Variants in USP34 observed in about 807,000 individuals in gnomAD.
The protein encoded by USP34 is ubiquitin specific peptidase 34, also known as ubiquitin carboxyl-terminal hydrolase 34.
USP34 carries 70 observed loss-of-function variants against 460.3 expected under a neutral mutation model. The observed-to-expected ratio is 0.15, with a 90% CI of 0.13 to 0.19. USP34 has a LOEUF of 0.19. Among genes scored for constraint, USP34 ranks in the 10% least tolerant of loss-of-function variants. USP34 has a pLI of 1.00. For synonymous variants in USP34, 1,647 were observed against 1,405.3 expected, an observed-to-expected ratio of 1.17 and a Z score of -3.85; for missense variants, 3,985 against 4,236.2, an observed-to-expected ratio of 0.94 and a Z score of 1.65.
chr2:61,338,117 T>A (rs140681363), intron 18 of USP34, among the ~76,000 whole-genome samples: 4 of 151,572 alleles, frequency 2.6e-5, no homozygotes, highest in Non-Finnish European at 5.9e-5. Context: ...AGGTGAGGAG[T>A]TGAAGACCAG....
chr2:61,397,235 G>C (rs930465453), intron 3 of USP34, among the ~76,000 whole-genome samples: 3 of 151,890 alleles, frequency 2.0e-5, no homozygotes, highest in Non-Finnish European at 4.4e-5. Flanking sequence ...TTGAGGTCAA[G>C]AGTTCTAGAC....
At chr2:61,445,958 AAAGT>A (rs1295276024) in intron 1 of USP34, among the ~76,000 whole-genome samples, 23 of 151,860 alleles carry the variant, frequency 1.5e-4, no homozygotes, top group African/African-American at 5.6e-4. Flanking sequence ...AAAAAAAAAA[AAAGT>A]AATTAGTCTG....
chr2:61,251,653 C>T (rs1688584992), intron 48 of USP34, among the ~76,000 whole-genome samples: 1 of 152,128 alleles, frequency 6.6e-6, no homozygotes, highest in Admixed American at 6.5e-5. Context: ...TATTCCTATC[C>T]TTTGTCCTCA....
intron 10 of USP34, among the ~76,000 whole-genome samples, chr2:61,364,727 G>C (rs571910132): frequency 1.7e-4 from 26 of 152,204 alleles, no homozygotes; most frequent in Middle Eastern, 3.4e-3. Flanking sequence ...TCAGGAGTTT[G>C]AGACCAGCCT....
intron 57 of USP34, among the ~76,000 whole-genome samples, 188 bp from the exon 58 acceptor site, chr2:61,232,720 C>A (rs1325124525): frequency 6.6e-6 from 1 of 152,058 alleles, no homozygotes; most frequent in Non-Finnish European, 1.5e-5. Context: ...TTACACAACT[C>A]CATGGAATGC....
intron 35 of USP34, 43 bp downstream of exon 35, chr2:61,284,832 C>T: frequency 7.0e-7 from 1 of 1,433,496 alleles, no homozygotes; most frequent in Non-Finnish European, 9.5e-7. Context: ...ACATTATATT[C>T]CTGCTATACA....
At chr2:61,269,496 C>T (rs1689151016) in intron 41 of USP34, among the ~76,000 whole-genome samples, 1 of 152,044 alleles carries the variant, frequency 6.6e-6, no homozygotes, top group African/African-American at 2.4e-5. Context: ...ACAGCATTTA[C>T]ATTTCATTAA....
rs79394924 is a variant in USP34, at chr2:61,228,205, T to C, written c.7443+440A>G. Among the ~76,000 whole-genome samples the C allele has an allele frequency of 9.2e-3, 1,400 of 152,344 alleles. 20 individuals are homozygous for C. Among genetic ancestry groups the C allele is most frequent in the African/African-American group, 0.032 (1,334 of 41,578 alleles). ...GAAAAGGACTGAAAAAGAGTGCAAG[T>C]AGATCATACAACCTAATGCATTTGT... On this transcript the variant is annotated intron_variant, in intron 61 of 79. Coordinates refer to ENST00000398571, the MANE Select transcript of USP34 (RefSeq NM_014709.4).
rs1199303904 is a variant in USP34, at chr2:61,293,537, C to G, written c.4475G>C (p.Gly1492Ala). 3.1e-6 allele frequency: 5 copies of G among 1,611,696 alleles called. No homozygotes were observed. The South Asian group carries it at 3.3e-5, about 11-fold the overall frequency. The stretch of plus-strand genomic sequence containing the variant: ...AATTTCTAATAACTGTTGAAGCCCT[C>G]CAGCAGCAACAAACTGTAGGCAATT... ...NSWSCKFVAAGGLQQLLEIFN... is the reference protein window; with the variant it reads ...NSWSCKFVAAAGLQQLLEIFN... Residue 1492 changes from glycine to alanine, a missense_variant, in exon 33 of 80, where the codon GGA (glycine) becomes GCA (alanine). Gly to Ala is a moderately conservative substitution (Grantham distance 60, BLOSUM62 0). Around this residue, in one of 14 missense-constraint regions of USP34, gnomAD observed 1,114 missense variants for 1,122.5 expected, o/e 0.99. Coordinates refer to ENST00000398571, the MANE Select transcript of USP34 (RefSeq NM_014709.4).
chr2:61,434,323 C>A (rs527556101), intron 1 of USP34, among the ~76,000 whole-genome samples: 1 of 152,072 alleles, frequency 6.6e-6, no homozygotes, highest in South Asian at 2.1e-4. Context: ...TAAGAAACAG[C>A]CCAATGGGCA....
At chr2:61,435,313 A>T (rs1188752857) in intron 1 of USP34, among the ~76,000 whole-genome samples, 1 of 146,250 alleles carries the variant, frequency 6.8e-6, no homozygotes, top group Admixed American at 6.9e-5. Flanking sequence ...GTTTCAAAAA[A>T]AAAAAAAAAA....
At chr2:61,265,784 G>T (rs1210521765) in intron 42 of USP34, 200 bp downstream of exon 42, 8 of 696,964 alleles carry the variant, frequency 1.1e-5, no homozygotes, top group Non-Finnish European at 1.6e-5. Flanking sequence ...TACTTTTACA[G>T]AAAAAGCCGA....
chr2:61,466,525 T>C (rs1695766900), intron 1 of USP34, among the ~76,000 whole-genome samples: 1 of 152,206 alleles, frequency 6.6e-6, no homozygotes, highest in Non-Finnish European at 1.5e-5. Context: ...ACTAATTAAC[T>C]TCAACTGATC....
intron 1 of USP34, among the ~76,000 whole-genome samples, chr2:61,454,866 T>C (rs201638149): frequency 8.9e-6 from 1 of 112,660 alleles, no homozygotes; most frequent in South Asian, 2.3e-4. Flanking sequence ...GGGGTTTTTT[T>C]TTTCTTTTTT....
intron 15 of USP34, among the ~76,000 whole-genome samples, chr2:61,344,977 A>G (rs1691719903): frequency 2.0e-5 from 3 of 152,162 alleles, no homozygotes; most frequent in African/African-American, 7.2e-5. Flanking sequence ...TAAAAAAAAA[A>G]TGTTCTGGCC....
intron 6 of USP34, 104 bp downstream of exon 6, chr2:61,383,165 G>C (rs2103869759): frequency 1.5e-6 from 1 of 685,816 alleles, no homozygotes; most frequent in South Asian, 3.4e-5. Flanking sequence ...ATTTTCTCTA[G>C]AGGATATGAC....
chr2:61,319,038 A>G, intron 22 of USP34, 135 bp downstream of exon 22: 2 of 792,630 alleles, frequency 2.5e-6, no homozygotes, highest in Admixed American at 7.6e-5. Flanking sequence ...AAATTATATT[A>G]GGACTGCTAA....
In USP34 at chr2:61,317,681, A is replaced by C; in HGVS notation, c.3255T>G (p.Ser1085Arg). ...HLCNLARLAT[S>R]AYDGCSNSEL... is the part of the protein sequence containing the mutation. ...CAGAATTTGAACAACCATCATAGGCACTGGTAGCCAATCGAGCCAAGTTAC... is the reference window on the plus strand; with the variant it reads ...CAGAATTTGAACAACCATCATAGGCCCTGGTAGCCAATCGAGCCAAGTTAC... Residue 1085 changes from serine to arginine, a missense_variant, in exon 23 of 80, where the codon AGT becomes AGG. Transcript: ENST00000398571. 6.2e-7 allele frequency: 1 copy of C among 1,614,100 alleles called. No individual in the cohort carries two copies. The highest frequency in any genetic ancestry group is 8.5e-7 in the Non-Finnish European group (1 of 1,179,974).
chr2:61,200,275 G>A (rs1185599999), intron 75 of USP34: 1 of 152,334 alleles, frequency 6.6e-6, no homozygotes, highest in East Asian at 1.9e-4. Context: ...GGCTTCTGCT[G>A]TTTTTAAGTA....
Sources: gnomAD v4.1 joint callset for allele counts (sites outside exome capture counted in the v4.1 genomes callset) on GRCh38, gnomAD v4.1.1 for gene constraint, gnomAD v4.1.1 regional missense constraint, MANE v1.5 for transcripts, NCBI Gene and HGNC (gene_info 2026-07-23, HGNC 2026-07-21) for gene names.